Variants in SEL1L3 observed in about 807,000 individuals in gnomAD.
SEL1L3 encodes the protein SEL1L family member 3, also known as protein sel-1 homolog 3.
Under a neutral mutation model 142.8 loss-of-function variants are expected in SEL1L3, and 76 were observed. The observed-to-expected ratio is 0.53, with a 90% CI of 0.44 to 0.64. The LOEUF (loss-of-function observed/expected upper bound fraction) is 0.64, where lower values mean the gene tolerates loss of function less well. SEL1L3 is among the 30% of genes least tolerant of loss of function. The probability of loss-of-function intolerance (pLI) is 0.00; values close to 1 mark genes in which losing one functional copy is unlikely to be tolerated. For missense variants in SEL1L3, 1,262 were observed against 1,381.7 expected, an observed-to-expected ratio of 0.91 and a Z score of 1.37; for synonymous variants, 504 against 519.6, an observed-to-expected ratio of 0.97 and a Z score of 0.41.
At chr4:25,833,186 C>T in intron 4 of SEL1L3, 76 bp from the exon 5 acceptor site, 1 of 892,026 alleles carries the variant, frequency 1.1e-6, no homozygotes, top group Non-Finnish European at 1.9e-6. Context: ...GCCTTTTCAA[C>T]AATTGTCCTA....
Position 25,786,564 on chromosome 4 carries a change from G to A in SEL1L3, c.2217+1660C>T, listed in dbSNP as rs189060814. On this transcript the variant is annotated intron_variant, in intron 13 of 23. Transcript: ENST00000399878. The stretch of plus-strand genomic sequence containing the variant: ...ATTTGTGCCTTTATCTTTGGACAGC[G>A]ATCGGCCTCCACTCTGGTGGACAGG... 4.0e-3 allele frequency among the ~76,000 whole-genome samples: 602 copies of A among 152,270 alleles called. 3 individuals are homozygous for A. The highest frequency in any genetic ancestry group is 0.014 in the African/African-American group (565 of 41,546).
chr4:25,758,762 C>A (rs1377355505), intron 21 of SEL1L3, among the ~76,000 whole-genome samples, 179 bp downstream of exon 21: 1 of 151,840 alleles, frequency 6.6e-6, no homozygotes, highest in Non-Finnish European at 1.5e-5. Context: ...GATCTGCCCG[C>A]CTCAGCCTCC....
At chr4:25,768,208 T>C (rs1331784432) in intron 17 of SEL1L3, among the ~76,000 whole-genome samples, 3 of 152,222 alleles carry the variant, frequency 2.0e-5, no homozygotes, top group Admixed American at 6.5e-5. Context: ...CTCTGTTTTA[T>C]AAAAAGCTTT....
At chr4:25,789,458 G>A (rs1712120123) in intron 12 of SEL1L3, among the ~76,000 whole-genome samples, 1 of 151,914 alleles carries the variant, frequency 6.6e-6, no homozygotes, top group African/African-American at 2.4e-5. Flanking sequence ...GGTGGCACAT[G>A]CCTATAGTTC....
chr4:25,802,208 A>G (rs3733543), intron 11 of SEL1L3, 75 bp downstream of exon 11: 925,548 of 1,375,388 alleles, frequency 0.67, 314,681 homozygotes, highest in South Asian at 0.77. Context: ...TACAAAAGCA[A>G]CCACAGGGGC....
chr4:25,821,468 C>T (rs909958603), intron 7 of SEL1L3, among the ~76,000 whole-genome samples: 21 of 152,318 alleles, frequency 1.4e-4, no homozygotes, highest in Admixed American at 1.1e-3. Flanking sequence ...CATTCGGGGG[C>T]GGGTTATGGA....
At chr4:25,761,938 A>G (rs979144916) in intron 20 of SEL1L3, among the ~76,000 whole-genome samples, 2 of 152,048 alleles carry the variant, frequency 1.3e-5, no homozygotes, top group South Asian at 4.1e-4. Flanking sequence ...TCATAAAACC[A>G]TTTATTTTTT....
chr4:25,845,318 G>T (rs1388851645), intron 2 of SEL1L3, among the ~76,000 whole-genome samples: 1 of 152,102 alleles, frequency 6.6e-6, no homozygotes, highest in Non-Finnish European at 1.5e-5. Flanking sequence ...AACATAGGAA[G>T]ACCCCATCTC....
intron 14 of SEL1L3, among the ~76,000 whole-genome samples, chr4:25,782,732 C>T (rs567714778): frequency 1.3e-5 from 2 of 152,288 alleles, no homozygotes; most frequent in African/African-American, 4.8e-5. Flanking sequence ...CCTCTGATTG[C>T]CCTGCCGCAT....
At chr4:25,740,834 G>C in the SEL1L3 span, among the ~76,000 whole-genome samples, 1 of 152,034 alleles carries the variant, frequency 6.6e-6, no homozygotes, top group Non-Finnish European at 1.5e-5. Flanking sequence ...TGCCAGGCTG[G>C]AGTGCAATGG....
intron 2 of SEL1L3, among the ~76,000 whole-genome samples, chr4:25,844,634 C>T (rs1035806798): frequency 6.6e-6 from 1 of 152,210 alleles, no homozygotes; most frequent in Non-Finnish European, 1.5e-5. Context: ...TTGGAAACTT[C>T]CAGCTTGCAA....
chr4:25,741,395 C>A, the SEL1L3 span, among the ~76,000 whole-genome samples: 1 of 152,320 alleles, frequency 6.6e-6, no homozygotes, highest in African/African-American at 2.4e-5. Context: ...GCCACTGAGG[C>A]TGGCCATATT....
chr4:25,754,866 A>G (rs944623045), intron 23 of SEL1L3, among the ~76,000 whole-genome samples: 15 of 152,144 alleles, frequency 9.9e-5, no homozygotes, highest in South Asian at 2.1e-4. Flanking sequence ...TTTCCCCTTT[A>G]TATTGCTGTT....
chr4:25,725,358 C>G, the SEL1L3 span, among the ~76,000 whole-genome samples: 1 of 151,318 alleles, frequency 6.6e-6, no homozygotes, highest in East Asian at 1.9e-4. Flanking sequence ...CTCTGTTGCC[C>G]AGGCTGGAGT....
At chr4:25,716,132 C>T in the SEL1L3 span, among the ~76,000 whole-genome samples, 5,365 of 151,284 alleles carry the variant, frequency 0.035, 292 homozygotes, top group African/African-American at 0.12. Flanking sequence ...TTTCAATACA[C>T]GTAACTGAGA....
At chr4:25,735,363 T>C in the SEL1L3 span, among the ~76,000 whole-genome samples, 3 of 152,134 alleles carry the variant, frequency 2.0e-5, no homozygotes, top group Non-Finnish European at 2.9e-5. Context: ...ACTCTTTTAA[T>C]GTCTGTGGGA....
chr4:25,851,557 A>T (rs1716899583), intron 1 of SEL1L3, among the ~76,000 whole-genome samples: 1 of 151,524 alleles, frequency 6.6e-6, no homozygotes, highest in South Asian at 2.1e-4. Flanking sequence ...GTACTACACA[A>T]TTTTTTTTTA....
chr4:25,789,413 C>A (rs911471540), intron 12 of SEL1L3, among the ~76,000 whole-genome samples: 4 of 151,852 alleles, frequency 2.6e-5, no homozygotes, highest in Non-Finnish European at 5.9e-5. Flanking sequence ...GACCCCATTT[C>A]TACAAAAAAA....
At chr4:25,804,775 C>T (rs1713443143) in intron 9 of SEL1L3, 23 bp from the exon 10 acceptor site, 4 of 1,503,770 alleles carry the variant, frequency 2.7e-6, no homozygotes, top group African/African-American at 1.4e-5. Context: ...CAATTCAGAG[C>T]ACACACAATT....
Sources: allele counts gnomAD v4.1 joint callset (sites outside exome capture counted in the v4.1 genomes callset), GRCh38; gene constraint gnomAD v4.1.1; transcripts MANE v1.5; gene names NCBI Gene and HGNC (gene_info 2026-07-23, HGNC 2026-07-21).